TJP3: variants seen among roughly 807,000 people sequenced by gnomAD.
TJP3 encodes tight junction protein ZO-3.
In TJP3, 85 loss-of-function variants were observed where a neutral mutation model predicts 104.2. The observed-to-expected ratio is 0.82, with a 90% CI of 0.68 to 0.98. The LOEUF (loss-of-function observed/expected upper bound fraction) is 0.98, where lower values mean the gene tolerates loss of function less well. Ranked by LOEUF, TJP3 falls within the 50% of genes least tolerant of loss-of-function variation. The pLI is 0.00. For missense variants in TJP3, 1,367 were observed against 1,322.8 expected (o/e 1.03, Z -0.52); for synonymous variants, 550 against 550.6 (o/e 1.00, Z 0.02).
rs967011015 is a variant in TJP3 at position 3,746,641 on chromosome 19, C to G, written c.2167C>G (p.Arg723Gly). Residue 723 changes from arginine (R) to glycine (G), a missense_variant, in exon 17 of 21, where the codon CGC becomes GGC. By Grantham distance (125) the Arg-to-Gly change is moderately radical. Coordinates refer to ENST00000541714, the MANE Select transcript of TJP3 (RefSeq NM_001267560.2). This position sits in a 1 kb window ranked among gnomAD's most constrained non-coding sequence, Gnocchi z 4.1. ...GCCTGCCTCCCGCCGCAGCACCCGT[C>G]GCCTCTACGCACAAGCCCAGAAGCT... ...LAPASRRSTR[R>G]LYAQAQKLRK... The G allele has an allele frequency of 1.1e-5, 18 of 1,613,232 alleles. No individual in the cohort carries two copies. Among genetic ancestry groups the G allele is most frequent in the Non-Finnish European group, 1.5e-5 (18 of 1,179,812 alleles).
chr19:3,733,653 G>A (rs2302304), intron 6 of TJP3, 100 bp from the exon 7 acceptor site: 157,589 of 1,527,282 alleles, frequency 0.1, 10,265 homozygotes, highest in Admixed American at 0.25. Flanking sequence ...GCAACCTCTG[G>A]GGGAATTGTC....
intron 14 of TJP3, among the ~76,000 whole-genome samples, chr19:3,743,456 C>T (rs1263984408): frequency 6.6e-6 from 1 of 152,120 alleles, no homozygotes; most frequent in Non-Finnish European, 1.5e-5. Context: ...CTATTTTAGG[C>T]TTTGTGGGCT....
chr19:3,748,103 G>T (rs776224082), intron 19 of TJP3, 22 bp downstream of exon 19: 5 of 1,528,246 alleles, frequency 3.3e-6, no homozygotes. Flanking sequence ...ATGGGGGGCA[G>T]GCCTGGGAAG....
At chr19:3,712,877 A>G (rs1187797526) in intron 1 of TJP3, among the ~76,000 whole-genome samples, 3 of 151,666 alleles carry the variant, frequency 2.0e-5, no homozygotes, top group Admixed American at 1.3e-4. Context: ...TGAGCCCAGG[A>G]AAGTGGAGGC....
intron 1 of TJP3, among the ~76,000 whole-genome samples, chr19:3,713,878 G>A (rs1484072133): frequency 1.3e-5 from 2 of 148,348 alleles, no homozygotes; most frequent in African/African-American, 2.5e-5. Flanking sequence ...AACATGCCCA[G>A]CTAATTTTTT....
At chr19:3,722,567 C>T (rs972117759) in intron 1 of TJP3, among the ~76,000 whole-genome samples, 1 of 130,210 alleles carries the variant, frequency 7.7e-6, no homozygotes, top group African/African-American at 2.9e-5. Flanking sequence ...GGCTGGGGTG[C>T]GCCGTGGCGG....
intron 1 of TJP3, among the ~76,000 whole-genome samples, chr19:3,727,757 C>T (rs1449529260): frequency 1.3e-5 from 2 of 151,828 alleles, no homozygotes; most frequent in South Asian, 4.2e-4. Context: ...ATTAGCCTGG[C>T]GTGGTGGTGG....
Position 3,731,924 on chromosome 19 carries a change from C to T in TJP3, c.614-11C>T, listed in dbSNP as rs1291927337. The T allele has an allele frequency of 1.2e-6, 2 of 1,609,918 alleles. No homozygotes were observed. The highest frequency in any genetic ancestry group is 1.7e-6 in the Non-Finnish European group (2 of 1,177,392). On this transcript the variant is annotated splice_polypyrimidine_tract_variant and intron_variant, in intron 5 of 20. Coordinates refer to ENST00000541714, the MANE Select transcript of TJP3 (RefSeq NM_001267560.2). ...GAGTCCTGCCTCAGTTTCCCTCCTC[C>T]CCCCTTACAGAGTTTGGCGTCAAGC...
chr19:3,739,664 C>T (rs1252794025), intron 13 of TJP3, among the ~76,000 whole-genome samples: 1 of 152,176 alleles, frequency 6.6e-6, no homozygotes, highest in African/African-American at 2.4e-5. Context: ...CATCCTCTTA[C>T]AGTTCTGGAG....
At position 3,748,064 on chromosome 19, in the gene TJP3, G is replaced by A. The variant is rs929045794; in HGVS notation, c.2593G>A (p.Ala865Thr). 7 of 1,574,294 alleles carry A rather than the reference G, an allele frequency of 4.4e-6. No homozygotes were observed. The highest frequency in any genetic ancestry group is 6.0e-6 in the Non-Finnish European group (7 of 1,159,830). ...QSPRDRGRISAHQGAQVDSRH... is the reference protein window; with the variant it reads ...QSPRDRGRISTHQGAQVDSRH... ...CCCGAGGGATCGTGGGAGAATCTCG[G>A]CTCATCAGGGGGCCCAGGTGCGTCG... is the stretch of plus-strand genomic sequence containing the variant. Residue 865 changes from alanine (A) to threonine (T), a missense_variant, in exon 19 of 21, where the codon GCT (alanine) becomes ACT (threonine). By Grantham distance (58) the Ala-to-Thr change is moderately conservative (BLOSUM62 0). Coordinates refer to ENST00000541714, the MANE Select transcript of TJP3 (RefSeq NM_001267560.2).
intron 6 of TJP3, 116 bp from the exon 7 acceptor site, chr19:3,733,637 T>G (rs1426870685): frequency 4.6e-4 from 672 of 1,465,100 alleles, no homozygotes; most frequent in Middle Eastern, 7.0e-4. Context: ...GGAGTGGCTG[T>G]TTTTAGCAAC....
chr19:3,729,043 ACT>A (rs1568381765), intron 3 of TJP3, among the ~76,000 whole-genome samples: 1 of 152,082 alleles, frequency 6.6e-6, no homozygotes, highest in East Asian at 1.9e-4. Flanking sequence ...ACAGAGTGAG[ACT>A]CTGTCTCAAA....
chr19:3,710,076 G>C (rs182957945), intron 1 of TJP3, among the ~76,000 whole-genome samples: 1 of 149,840 alleles, frequency 6.7e-6, no homozygotes, highest in East Asian at 2.0e-4. Flanking sequence ...TTGAACCCAG[G>C]AGGTGGAGGT....
At position 3,734,309 on chromosome 19, in the gene TJP3, T is replaced by C. The variant is rs763102307; in HGVS notation, c.878-18T>C. 6.2e-7 allele frequency: 1 copy of C among 1,612,792 alleles called. No homozygotes were observed. On this transcript the variant is annotated intron_variant, in intron 7 of 20. Transcript: ENST00000541714. ...GAAGGCGTGACCATGGCTGATGAGA[T>C]GTCCTCTCCCCCTGCAGACATCTCG...
intron 15 of TJP3, among the ~76,000 whole-genome samples, chr19:3,745,130 T>C (rs2036868867): frequency 1.6e-5 from 2 of 123,646 alleles, no homozygotes; most frequent in South Asian, 5.5e-4. Context: ...GCAAATTTTA[T>C]GTCTTTTTTT....
At position 3,733,781 on chromosome 19, in the gene TJP3, C is replaced by T. The variant is rs1169101933; in HGVS notation, c.746C>T (p.Ser249Leu). The T allele has an allele frequency of 4.3e-6, 7 of 1,614,100 alleles. No individual in the cohort carries two copies. Among genetic ancestry groups the T allele is most frequent in the African/African-American group, 1.3e-5 (1 of 74,940 alleles). ...AACGGGGTGTCTAGCCAGAACCTGT[C>T]ACTGAACGACACCCGGCGACTGATT... Reference protein sequence around the residue: ...QINGVSSQNLSLNDTRRLIEK... With the variant: ...QINGVSSQNLLLNDTRRLIEK... Residue 249 changes from serine to leucine, a missense_variant, in exon 7 of 21, where the codon TCA (serine) becomes TTA (leucine). Transcript: ENST00000541714.
chr19:3,748,160 C>A, intron 19 of TJP3, 79 bp downstream of exon 19: 4 of 1,440,510 alleles, frequency 2.8e-6, no homozygotes, highest in Non-Finnish European at 3.7e-6. Flanking sequence ...CACTGGGAGC[C>A]TGTTTTCTAC....
chr19:3,723,821 A>G (rs1420215118), intron 1 of TJP3, among the ~76,000 whole-genome samples: 1 of 147,950 alleles, frequency 6.8e-6, no homozygotes. Context: ...ATATATATAT[A>G]TATATATAAA....
chr19:3,736,034 A>T, intron 10 of TJP3, 99 bp downstream of exon 10: 1 of 1,533,990 alleles, frequency 6.5e-7, no homozygotes, highest in Non-Finnish European at 8.9e-7. Context: ...CATTGTGTTG[A>T]GTGGGACCAT....
Sources: gnomAD v4.1 joint callset for allele counts (sites outside exome capture counted in the v4.1 genomes callset) on GRCh38, gnomAD v4.1.1 for gene constraint, Gnocchi (gnomAD v3.1) non-coding constraint, MANE v1.5 for transcripts, NCBI Gene and HGNC (gene_info 2026-07-23, HGNC 2026-07-21) for gene names.